The following ARHGAP15 variants were observed in gnomAD, a reference collection of about 807,000 sequenced individuals.
The protein encoded by ARHGAP15 is Rho GTPase activating protein 15.
In ARHGAP15, 51 loss-of-function variants were observed where a neutral mutation model predicts 63.7. The ratio of observed to expected loss-of-function variants is 0.80; its 90% CI spans 0.64 to 1.01. The LOEUF (loss-of-function observed/expected upper bound fraction) is 1.01. ARHGAP15 is among the 50% of genes least tolerant of loss of function. The pLI is 0.00. For synonymous variants in ARHGAP15, 191 were observed against 193.8 expected (o/e 0.99, Z 0.12); for missense variants, 560 against 564.6 (o/e 0.99, Z 0.08).
intron 5 of ARHGAP15, among the ~76,000 whole-genome samples, chr2:143,246,182 A>T (rs758579237): frequency 1.3e-5 from 2 of 151,928 alleles, no homozygotes; most frequent in Non-Finnish European, 2.9e-5. Context: ...TATGTCAAGC[A>T]CTTGGCCGCT....
intron 6 of ARHGAP15, among the ~76,000 whole-genome samples, chr2:143,336,579 A>C (rs1684783744): frequency 7.0e-5 from 4 of 57,164 alleles, no homozygotes; most frequent in East Asian, 5.0e-3. Flanking sequence ...GTTTAAAAAA[A>C]AGTGCAGTGA....
intron 2 of ARHGAP15, among the ~76,000 whole-genome samples, chr2:143,197,813 A>G (rs1403066051): frequency 6.6e-6 from 1 of 152,090 alleles, no homozygotes; most frequent in Non-Finnish European, 1.5e-5. Context: ...AAGGAGTATT[A>G]AGATGATTCA....
intron 13 of ARHGAP15, among the ~76,000 whole-genome samples, chr2:143,745,876 G>A (rs12986858): frequency 0.35 from 53,520 of 152,096 alleles, 10,310 homozygotes; most frequent in East Asian, 0.48. Context: ...TGAGTGCCCA[G>A]AGTACTACAG....
rs1558898102 is a variant in ARHGAP15 at position 143,330,133 on chromosome 2, C to CAAAAAAAAAAAA, written c.474+79538_474+79539insAAAAAAAAAAAA. Among the ~76,000 whole-genome samples, 261 of 37,314 alleles carry CAAAAAAAAAAAA rather than the reference C, an allele frequency of 7.0e-3. 36 individuals carry two copies. The highest frequency in any genetic ancestry group is 0.029 in the Middle Eastern group (1 of 34). 24.5% of individuals were successfully genotyped at this position (37,314 alleles called of 152,430 possible). A position where few individuals can be genotyped will look rare whatever the true frequency, so the allele number is the denominator to read the frequency against. On this transcript the variant is annotated intron_variant, in intron 6 of 13. Coordinates refer to ENST00000295095, the MANE Select transcript of ARHGAP15 (RefSeq NM_018460.4). ...AAAAAAAAAAAAAAAAAAAAAAAAC[C>CAAAAAAAAAAAA]AAAAACAAAAAACTAAACTAATGAT...
At chr2:143,661,726 G>C (rs929816476) in intron 12 of ARHGAP15, among the ~76,000 whole-genome samples, 2 of 152,226 alleles carry the variant, frequency 1.3e-5, no homozygotes, top group Non-Finnish European at 2.9e-5. Context: ...CACACCGTGC[G>C]TGAGCCGAAG....
At chr2:143,347,032 G>C (rs1685332611) in intron 6 of ARHGAP15, among the ~76,000 whole-genome samples, 1 of 151,636 alleles carries the variant, frequency 6.6e-6, no homozygotes. Context: ...AGGTCTTTTT[G>C]GTCTCTTTCT....
intron 9 of ARHGAP15, among the ~76,000 whole-genome samples, chr2:143,504,380 A>G (rs1447690224): frequency 1.3e-5 from 2 of 152,222 alleles, no homozygotes; most frequent in Non-Finnish European, 2.9e-5. Flanking sequence ...TAGACATTCC[A>G]GCCTGCTTGG....
At chr2:143,204,493 T>G (rs1016698951) in intron 3 of ARHGAP15, among the ~76,000 whole-genome samples, 1 of 152,084 alleles carries the variant, frequency 6.6e-6, no homozygotes, top group Admixed American at 6.6e-5. Flanking sequence ...GGGGTCCCTT[T>G]TAAAAAGGCA....
At chr2:143,609,073 A>G (rs1390433390) in intron 11 of ARHGAP15, among the ~76,000 whole-genome samples, 1 of 152,204 alleles carries the variant, frequency 6.6e-6, no homozygotes, top group Non-Finnish European at 1.5e-5. Context: ...ACACAATTTC[A>G]GTATTCTTCT....
At chr2:143,722,193 A>T (rs908123350) in intron 13 of ARHGAP15, among the ~76,000 whole-genome samples, 5 of 139,942 alleles carry the variant, frequency 3.6e-5, no homozygotes, top group Non-Finnish European at 6.6e-5. Context: ...ACACACACTC[A>T]CACACACACA....
chr2:143,381,943 G>C (rs1687070141), intron 6 of ARHGAP15, among the ~76,000 whole-genome samples: 1 of 151,954 alleles, frequency 6.6e-6, no homozygotes, highest in Non-Finnish European at 1.5e-5. Flanking sequence ...ATCTCTCTTT[G>C]TATCTTTTTC....
At chr2:143,373,789 T>C (rs1686683625) in intron 6 of ARHGAP15, among the ~76,000 whole-genome samples, 1 of 152,084 alleles carries the variant, frequency 6.6e-6, no homozygotes, top group Non-Finnish European at 1.5e-5. Context: ...AGGAGACATA[T>C]AGTACCTAGG....
chr2:143,246,725 G>A (rs1390308617), intron 5 of ARHGAP15, among the ~76,000 whole-genome samples: 1 of 152,016 alleles, frequency 6.6e-6, no homozygotes, highest in Non-Finnish European at 1.5e-5. Context: ...GACCTGAAAG[G>A]AAGTGAAGCC....
At chr2:143,702,965 T>C (rs1684157478) in intron 12 of ARHGAP15, among the ~76,000 whole-genome samples, 4 of 152,140 alleles carry the variant, frequency 2.6e-5, no homozygotes, top group Admixed American at 6.5e-5. Context: ...TGAGGTAACA[T>C]AGTCACACAT....
intron 6 of ARHGAP15, among the ~76,000 whole-genome samples, chr2:143,419,810 A>G (rs1688841418): frequency 1.3e-5 from 2 of 152,194 alleles, no homozygotes; most frequent in Non-Finnish European, 2.9e-5. Context: ...GTCTTCGAGT[A>G]TGCATTTATA....
chr2:143,354,124 T>G (rs977484228), intron 6 of ARHGAP15, among the ~76,000 whole-genome samples: 3 of 152,144 alleles, frequency 2.0e-5, no homozygotes, highest in African/African-American at 4.8e-5. Flanking sequence ...ATTCATAGTT[T>G]AGAATGAGAA....
At chr2:143,448,504 A>C (rs1690250156) in intron 8 of ARHGAP15, among the ~76,000 whole-genome samples, 1 of 152,082 alleles carries the variant, frequency 6.6e-6, no homozygotes, top group Non-Finnish European at 1.5e-5. Context: ...ACCATGTACC[A>C]TATGCTGCAG....
chr2:143,444,552 G>T (rs376515112), intron 8 of ARHGAP15, among the ~76,000 whole-genome samples: 1 of 151,980 alleles, frequency 6.6e-6, no homozygotes, highest in African/African-American at 2.4e-5. Flanking sequence ...GGATTTATTT[G>T]GTCAATTCCT....
chr2:143,294,502 A>G (rs1682549330), intron 6 of ARHGAP15, among the ~76,000 whole-genome samples: 1 of 152,184 alleles, frequency 6.6e-6, no homozygotes, highest in South Asian at 2.1e-4. Context: ...CCATTAAACC[A>G]GGAACCCTGA....
Sources: allele counts gnomAD v4.1 joint callset (sites outside exome capture counted in the v4.1 genomes callset), GRCh38; gene constraint gnomAD v4.1.1; transcripts MANE v1.5; gene names NCBI Gene and HGNC (gene_info 2026-07-23, HGNC 2026-07-21).